The following PGLS variants were observed in gnomAD, a reference collection of about 807,000 sequenced individuals.
PGLS encodes 6-phosphogluconolactonase.
PGLS carries 21 observed loss-of-function variants against 23.2 expected under a neutral mutation model. The observed-to-expected ratio is 0.91, with a 90% CI of 0.64 to 1.31. The LOEUF (loss-of-function observed/expected upper bound fraction) is 1.31. PGLS is among the 50% of genes most tolerant of loss of function. PGLS has a pLI of 0.00. For synonymous variants in PGLS, 179 were observed against 165.4 expected (o/e 1.08, Z -0.63); for missense variants, 410 against 354.0 (o/e 1.16, Z -1.27).
At chr19:17,515,562 C>T (rs1053585890) in intron 1 of PGLS, among the ~76,000 whole-genome samples, 1 of 152,156 alleles carries the variant, frequency 6.6e-6, no homozygotes, top group Non-Finnish European at 1.5e-5. Context: ...GGCCCCCACT[C>T]CCTGTAGTGG....
At chr19:17,513,156 C>T (rs1292371271) in intron 1 of PGLS, 1 of 148,820 alleles carries the variant, frequency 6.7e-6, no homozygotes, top group African/African-American at 2.5e-5. Flanking sequence ...TTTGGGAGGC[C>T]GACGTGAGTA....
At chr19:17,516,050 A>C in intron 1 of PGLS, 123 bp from the exon 2 acceptor site, 1 of 704,864 alleles carries the variant, frequency 1.4e-6, no homozygotes, top group Non-Finnish European at 2.5e-6. Flanking sequence ...CAAATGCACC[A>C]GCCTCCCCAT....
rs757852022 is a variant in PGLS, at chr19:17,511,799, C to T, written c.127C>T (p.Leu43Phe). Residue 43 changes from leucine to phenylalanine, a missense_variant, in exon 1 of 5, where the codon CTC becomes TTC. Coordinates refer to ENST00000252603, the MANE Select transcript of PGLS (RefSeq NM_012088.3). ...GGCAGGGGCCCGCGCCCGTTTCGCG[C>T]TCGGCCTGTCGGGCGGGAGCCTCGT... is the stretch of plus-strand genomic sequence containing the variant. ...CLAGARARFA[L>F]GLSGGSLVSM... 3 of 1,503,332 alleles carry T rather than the reference C, an allele frequency of 2.0e-6. No homozygotes were observed. Among genetic ancestry groups the T allele is most frequent in the Non-Finnish European group, 1.8e-6 (2 of 1,131,862 alleles). The allele number at this position is 1,503,332 out of a possible 1,614,324, so 93.1% of individuals were successfully genotyped here.
chr19:17,520,886 G>A, intron 4 of PGLS, 58 bp from the exon 5 acceptor site: 2 of 1,486,762 alleles, frequency 1.3e-6, no homozygotes, highest in East Asian at 2.5e-5. Flanking sequence ...CCAGGAGAGT[G>A]CCGAGGGGCG....
In PGLS at chr19:17,518,324, G is replaced by T. The variant is rs143830538; in HGVS notation, c.639+474G>T. On this transcript the variant is annotated intron_variant, in intron 4 of 4. Transcript: ENST00000252603. ...GTAAGTAGATCTAAAAGATAGAAAA[G>T]CTCCTGACAAGGCTAATCAAGAGAA... 1,101 of 151,946 alleles carry T rather than the reference G, an allele frequency of 7.2e-3. 10 individuals carry two copies. The highest frequency in any genetic ancestry group is 0.011 in the Non-Finnish European group (739 of 68,096). 9.4% of individuals were successfully genotyped at this position (151,946 alleles called of 1,614,324 possible).
At chr19:17,516,744 C>T (rs1384364027) in intron 2 of PGLS, among the ~76,000 whole-genome samples, 4 of 151,964 alleles carry the variant, frequency 2.6e-5, no homozygotes, top group African/African-American at 9.7e-5. Flanking sequence ...GCCACCACGC[C>T]TGGTTAATTT....
chr19:17,517,919 C>T, intron 4 of PGLS, 69 bp downstream of exon 4: 1 of 1,542,134 alleles, frequency 6.5e-7, no homozygotes, highest in Non-Finnish European at 8.9e-7. Context: ...AAAATGGCCC[C>T]AGACATTATT....
intron 1 of PGLS, 28 bp downstream of exon 1, chr19:17,511,988 C>T (rs775275511): frequency 6.5e-7 from 1 of 1,527,000 alleles, no homozygotes; most frequent in South Asian, 1.2e-5. Context: ...CGCCGGGGAT[C>T]ACGCCGAGAG....
At chr19:17,516,829 C>T (rs149670364) in intron 2 of PGLS, among the ~76,000 whole-genome samples, 2,970 of 151,146 alleles carry the variant, frequency 0.02, 88 homozygotes, top group African/African-American at 0.062. Context: ...CCTCGTGATC[C>T]GCCCACCTTG....
chr19:17,512,278 G>C, intron 1 of PGLS: 1 of 403,226 alleles, frequency 2.5e-6, no homozygotes. Context: ...GGGTCTAGCC[G>C]ACAGGGCTCG....
In PGLS at chr19:17,520,962, G is replaced by A. The variant is rs1427651080; in HGVS notation, c.658G>A (p.Glu220Lys). The change falls in exon 5 of 5, where the codon GAG (glutamate) becomes AAG (lysine). Residue 220 changes from glutamate (E) to lysine (K), a missense_variant. Physicochemically the swap from Glu to Lys is moderately conservative, Grantham distance 56. Coordinates refer to ENST00000252603, the MANE Select transcript of PGLS (RefSeq NM_012088.3). Reference protein sequence around the residue: ...AVLKRILEDQEENPLPAALVQ... With the variant: ...AVLKRILEDQKENPLPAALVQ... ...TCTTCAGCGCATTTTGGAGGACCAG[G>A]AGGAAAACCCGCTGCCCGCCGCCCT... is the stretch of plus-strand genomic sequence containing the variant. 6.3e-7 allele frequency: 1 copy of A among 1,598,672 alleles called. No homozygotes were observed. The highest frequency in any genetic ancestry group is 8.5e-7 in the Non-Finnish European group (1 of 1,172,156).
intron 1 of PGLS, chr19:17,512,254 A>C (rs752517230): frequency 9.5e-5 from 41 of 432,994 alleles, no homozygotes; most frequent in Non-Finnish European, 1.5e-4. Flanking sequence ...CACCTCGACT[A>C]CGGGGGCCGC....
intron 4 of PGLS, among the ~76,000 whole-genome samples, chr19:17,519,460 C>T (rs1399398389): frequency 2.0e-5 from 3 of 152,026 alleles, no homozygotes; most frequent in South Asian, 2.1e-4. Context: ...AGTGCAGTGG[C>T]GCCATCTCAG....
At position 17,516,194 on chromosome 19, in the gene PGLS, C is replaced by G; in HGVS notation, c.310C>G (p.Pro104Ala). The G allele has an allele frequency of 1.2e-6, 2 of 1,613,784 alleles. No homozygotes were observed. Among genetic ancestry groups the G allele is most frequent in the South Asian group, 1.1e-5 (1 of 91,050 alleles). The change falls in exon 2 of 5, where the codon CCG becomes GCG. Residue 104 changes from proline to alanine, a missense_variant. Transcript: ENST00000252603. ...LYRTHLLSRL[P>A]IPESQVITIN... ...GCAGACGCATCTTCTCTCCAGACTG[C>G]CGATCCCAGAAAGCCAGGTGATCAC...
In PGLS at chr19:17,516,327, C is replaced by A. The variant is rs533029416; in HGVS notation, c.396+47C>A. On this transcript the variant is annotated intron_variant, in intron 2 of 4. Coordinates refer to ENST00000252603, the MANE Select transcript of PGLS (RefSeq NM_012088.3). ...CAAGGGAGTCACATCCACGAAGCGGCCACACCCCGGGCAACAGAGCGGCCT... is the reference window on the plus strand; with the variant it reads ...CAAGGGAGTCACATCCACGAAGCGGACACACCCCGGGCAACAGAGCGGCCT... 4.4e-6 allele frequency: 7 copies of A among 1,579,030 alleles called. No homozygotes were observed. The East Asian group carries it at 9.3e-5, about 21-fold the overall frequency.
intron 2 of PGLS, among the ~76,000 whole-genome samples, chr19:17,516,778 G>C (rs549592572): frequency 6.7e-6 from 1 of 149,090 alleles, no homozygotes; most frequent in Non-Finnish European, 1.5e-5. Flanking sequence ...TAGTAGAGAC[G>C]GGGTTTCACC....
Position 17,511,772 on chromosome 19 carries a change from C to T in PGLS, c.100C>T (p.Leu34=), listed in dbSNP as rs1192229196. ...QLVAQRAACC[L]AGARARFALG... ...GGTGGCCCAGCGCGCAGCATGCTGC[C>T]TGGCAGGGGCCCGCGCCCGTTTCGC... is the stretch of plus-strand genomic sequence containing the variant. The change falls in exon 1 of 5, where the codon CTG becomes TTG. Residue 34 remains leucine, a synonymous_variant. Transcript: ENST00000252603. 1.3e-6 allele frequency: 2 copies of T among 1,498,130 alleles called. No homozygotes were observed. The highest frequency in any genetic ancestry group is 1.8e-6 in the Non-Finnish European group (2 of 1,130,948). 92.8% of individuals were successfully genotyped at this position (1,498,130 alleles called of 1,614,324 possible).
rs114638922 is a variant in PGLS at position 17,520,179 on chromosome 19, G to A, written c.640-765G>A. Among the ~76,000 whole-genome samples, 137 of 152,134 alleles carry A rather than the reference G, an allele frequency of 9.0e-4. 1 individual carries two copies. Among genetic ancestry groups the A allele is most frequent in the African/African-American group, 3.2e-3 (134 of 41,512 alleles). ...AAAAAAATGCAAATAGTTACAGTGG[G>A]CGGGGCATGGTGGCTCAACGTGGGA... On this transcript the variant is annotated intron_variant, in intron 4 of 4. Coordinates refer to ENST00000252603, the MANE Select transcript of PGLS (RefSeq NM_012088.3).
At chr19:17,520,218 C>G (rs954492335) in intron 4 of PGLS, among the ~76,000 whole-genome samples, 8 of 152,028 alleles carry the variant, frequency 5.3e-5, no homozygotes, top group African/African-American at 1.9e-4. Context: ...CAAGACCAGC[C>G]TGGCTAATAT....
Sources: gnomAD v4.1 joint callset for allele counts (sites outside exome capture counted in the v4.1 genomes callset) on GRCh38, gnomAD v4.1.1 for gene constraint, MANE v1.5 for transcripts, NCBI Gene and HGNC (gene_info 2026-07-23, HGNC 2026-07-21) for gene names.